The following SNX29 variants were observed in gnomAD, a reference collection of about 807,000 sequenced individuals.
The protein encoded by SNX29 is sorting nexin-29.
SNX29 carries 78 observed loss-of-function variants against 102.1 expected under a neutral mutation model. The observed-to-expected ratio is 0.76, with a 90% CI of 0.64 to 0.92. The LOEUF (loss-of-function observed/expected upper bound fraction) is 0.92, where lower values mean the gene tolerates loss of function less well. Ranked by LOEUF, SNX29 falls within the 40% of genes least tolerant of loss-of-function variation. The pLI is 0.00. For missense variants in SNX29, 1,280 were observed against 1,061.7 expected (o/e 1.21, Z -2.86); for synonymous variants, 580 against 414.5 (o/e 1.40, Z -4.85).
chr16:12,431,574 T>A (rs2085318303), intron 18 of SNX29, among the ~76,000 whole-genome samples: 1 of 151,820 alleles, frequency 6.6e-6, no homozygotes, highest in Non-Finnish European at 1.5e-5. Context: ...TGAAATAAAC[T>A]CATTCCCTTA....
intron 19 of SNX29, among the ~76,000 whole-genome samples, chr16:12,483,508 G>A (rs2088075726): frequency 6.6e-6 from 1 of 150,918 alleles, no homozygotes; most frequent in Non-Finnish European, 1.5e-5. Flanking sequence ...GTAGAGACGG[G>A]GTTTCACCAT....
At chr16:12,214,425 G>A (rs2077268898) in intron 14 of SNX29, among the ~76,000 whole-genome samples, 2 of 152,142 alleles carry the variant, frequency 1.3e-5, no homozygotes, top group African/African-American at 4.8e-5. Flanking sequence ...GCTGACAGGT[G>A]GCTTGTTTTG....
At chr16:12,011,951 C>T (rs2056668448) in intron 3 of SNX29, among the ~76,000 whole-genome samples, 1 of 152,004 alleles carries the variant, frequency 6.6e-6, no homozygotes, top group Admixed American at 6.6e-5. Flanking sequence ...AAACTCAAAA[C>T]TTTTTTTTGT....
chr16:12,256,947 T>G (rs2078591166), intron 14 of SNX29, among the ~76,000 whole-genome samples: 1 of 152,214 alleles, frequency 6.6e-6, no homozygotes, highest in Non-Finnish European at 1.5e-5. Flanking sequence ...GTATTAGTTT[T>G]CTTTTGGTGT....
chr16:12,036,336 T>G, intron 4 of SNX29, among the ~76,000 whole-genome samples: 1 of 65,142 alleles, frequency 1.5e-5, no homozygotes, highest in African/African-American at 1.6e-4. Flanking sequence ...CTTTCTTTCT[T>G]TTTTTTTTTT....
intron 8 of SNX29, 34 bp downstream of exon 8, chr16:12,052,256 C>T (rs2050337912): frequency 6.2e-7 from 1 of 1,611,262 alleles, no homozygotes. Flanking sequence ...TCTCACCGTC[C>T]CCCAGGCTGG....
intron 1 of SNX29, among the ~76,000 whole-genome samples, chr16:11,980,914 G>T (rs2055399598): frequency 6.7e-6 from 1 of 149,702 alleles, no homozygotes; most frequent in Admixed American, 6.6e-5. Flanking sequence ...CAGGTTTATT[G>T]TTTACAAAAA....
At chr16:12,207,011 T>C (rs1293495651) in intron 14 of SNX29, among the ~76,000 whole-genome samples, 1 of 152,106 alleles carries the variant, frequency 6.6e-6, no homozygotes, top group African/African-American at 2.4e-5. Context: ...AGGTGCACTT[T>C]TCTTCTTGAA....
In SNX29 at chr16:12,565,422, A is replaced by G. The variant is rs989210418; in HGVS notation, c.2319-3084A>G. Reference sequence around the variant, plus strand: ...ACTCAACTTGTCCCAAATGAAGCCCATCCTCCCGTGGCCTCACCTGCCCCC... The same window carrying G: ...ACTCAACTTGTCCCAAATGAAGCCCGTCCTCCCGTGGCCTCACCTGCCCCC... On this transcript the variant is annotated intron_variant, in intron 20 of 20. Coordinates refer to ENST00000566228, the MANE Select transcript of SNX29 (RefSeq NM_032167.5). Among the ~76,000 whole-genome samples the G allele has an allele frequency of 7.1e-5, 10 of 141,200 alleles. No individual in the cohort carries two copies. In the East Asian group the frequency reaches 1.9e-3, roughly 26 times the overall value. 92.6% of individuals were successfully genotyped at this position (141,200 alleles called of 152,430 possible).
intron 14 of SNX29, among the ~76,000 whole-genome samples, chr16:12,201,443 G>T (rs927995703): frequency 1.1e-4 from 16 of 152,206 alleles, no homozygotes; most frequent in African/African-American, 3.9e-4. Flanking sequence ...CTTGTGATGA[G>T]TAGGTATTTT....
chr16:12,070,190 TTTA>T (rs2051230304), intron 10 of SNX29, among the ~76,000 whole-genome samples: 1 of 152,098 alleles, frequency 6.6e-6, no homozygotes, highest in African/African-American at 2.4e-5. Context: ...ATGCTTTTTT[TTTA>T]TTATTTAAGT....
chr16:12,380,714 TTCCATCCACCCGCCATCCATCCA>T (rs1567503037), intron 16 of SNX29, among the ~76,000 whole-genome samples: 8 of 84,304 alleles, frequency 9.5e-5, no homozygotes, highest in Non-Finnish European at 1.5e-4. Context: ...CAACCATCAA[TTCCATCCACCCGCCATCCATCCA>T]TCCATCCACC....
At chr16:12,227,783 C>G (rs769639777) in intron 14 of SNX29, among the ~76,000 whole-genome samples, 6 of 151,494 alleles carry the variant, frequency 4.0e-5, no homozygotes, top group Non-Finnish European at 7.4e-5. Flanking sequence ...GCTTGTAATC[C>G]CAGCTACTCG....
At chr16:12,531,559 C>T (rs751196414) in intron 20 of SNX29, among the ~76,000 whole-genome samples, 3 of 152,030 alleles carry the variant, frequency 2.0e-5, no homozygotes, top group Non-Finnish European at 4.4e-5. Flanking sequence ...GGCAAGGGGG[C>T]AGCAGCGGCA....
chr16:12,565,864 C>T (rs1279211394), intron 20 of SNX29, among the ~76,000 whole-genome samples: 2 of 152,232 alleles, frequency 1.3e-5, no homozygotes, highest in Non-Finnish European at 2.9e-5. Flanking sequence ...GCCCTCTGTG[C>T]CCTGCTCAGA....
At chr16:12,372,680 G>C (rs1248043504) in intron 16 of SNX29, 1 of 152,166 alleles carries the variant, frequency 6.6e-6, no homozygotes, top group Non-Finnish European at 1.5e-5. Flanking sequence ...ACCTGCTGGG[G>C]TATGTCATGG....
Position 12,098,879 on chromosome 16 carries a change from C to T in SNX29, c.1402+19964C>T, listed in dbSNP as rs530270204. Among the ~76,000 whole-genome samples, 4 of 152,332 alleles carry T rather than the reference C, an allele frequency of 2.6e-5. No individual in the cohort carries two copies. The South Asian group carries it at 8.3e-4, about 32-fold the overall frequency. On this transcript the variant is annotated intron_variant, in intron 11 of 20. Coordinates refer to ENST00000566228, the MANE Select transcript of SNX29 (RefSeq NM_032167.5). This position sits in a 1 kb window ranked among gnomAD's most constrained non-coding sequence, Gnocchi z 6.0. ...GTGGGGAGGTGAACAGGTGGGTGGG[C>T]TCTGAGAGAACCCACAGGAGCTGAG...
At chr16:12,051,442 T>G (rs1032986193) in intron 7 of SNX29, among the ~76,000 whole-genome samples, 6 of 152,122 alleles carry the variant, frequency 3.9e-5, no homozygotes, top group African/African-American at 1.4e-4. Flanking sequence ...AAAGGGGCAT[T>G]GCACAGGAAT....
At chr16:12,151,193 C>T (rs1211012958) in intron 13 of SNX29, among the ~76,000 whole-genome samples, 6 of 152,184 alleles carry the variant, frequency 3.9e-5, no homozygotes, top group Admixed American at 3.9e-4. Flanking sequence ...ACACTCTCTG[C>T]TTTGTTTTTT....
Sources: gnomAD v4.1 joint callset for allele counts (sites outside exome capture counted in the v4.1 genomes callset) on GRCh38, gnomAD v4.1.1 for gene constraint, Gnocchi (gnomAD v3.1) non-coding constraint, MANE v1.5 for transcripts, NCBI Gene and HGNC (gene_info 2026-07-23, HGNC 2026-07-21) for gene names.